Variants in TFEC observed in about 807,000 individuals in gnomAD.
TFEC encodes transcription factor EC.
Under a neutral mutation model 41.6 loss-of-function variants are expected in TFEC, and 31 were observed. The observed-to-expected ratio is 0.74, with a 90% confidence interval of 0.56 to 1.01. The LOEUF (loss-of-function observed/expected upper bound fraction) is 1.01, where lower values mean the gene tolerates loss of function less well. Among genes scored for constraint, TFEC ranks in the 50% least tolerant of loss-of-function variants. The pLI, the probability that TFEC is intolerant of heterozygous loss-of-function variation, is 0.00. For missense variants in TFEC, 402 were observed against 404.1 expected (o/e 0.99, Z 0.04); for synonymous variants, 143 against 140.6 (o/e 1.02, Z -0.12).
intron 1 of TFEC, among the ~76,000 whole-genome samples, chr7:116,020,261 T>C (rs920316574): frequency 1.3e-5 from 2 of 152,204 alleles, no homozygotes; most frequent in African/African-American, 4.8e-5. Context: ...TAACATTTTT[T>C]TTCTAAATGA....
intron 3 of TFEC, among the ~76,000 whole-genome samples, chr7:116,070,628 G>C (rs113956703): frequency 2.6e-5 from 4 of 151,140 alleles, no homozygotes; most frequent in African/African-American, 7.3e-5. Context: ...TTTAGCTGTG[G>C]GTCAGAAATG....
At chr7:115,968,431 T>C (rs2130554646) in intron 3 of TFEC, 1 of 695,668 alleles carries the variant, frequency 1.4e-6, no homozygotes, top group East Asian at 3.0e-5. Context: ...AGGGGGTTGT[T>C]AATATTTACT....
chr7:116,057,915 A>G (rs1796467006), intron 3 of TFEC, among the ~76,000 whole-genome samples: 1 of 151,876 alleles, frequency 6.6e-6, no homozygotes, highest in South Asian at 2.1e-4. Context: ...ATAAAATGCA[A>G]TCATAAAGAT....
chr7:116,134,408 T>C (rs1256463474), intron 1 of TFEC, among the ~76,000 whole-genome samples: 1 of 152,158 alleles, frequency 6.6e-6, no homozygotes, highest in Non-Finnish European at 1.5e-5. Flanking sequence ...AATTACACAT[T>C]GTACACAAAT....
At chr7:116,046,133 T>C (rs1796157503) in intron 3 of TFEC, among the ~76,000 whole-genome samples, 1 of 152,200 alleles carries the variant, frequency 6.6e-6, no homozygotes, top group African/African-American at 2.4e-5. Flanking sequence ...GACTTTGGAC[T>C]GTGGGCTTTT....
At chr7:115,964,757 G>A (rs1338047481) in intron 3 of TFEC, among the ~76,000 whole-genome samples, 3 of 151,576 alleles carry the variant, frequency 2.0e-5, no homozygotes, top group African/African-American at 7.2e-5. Flanking sequence ...ATTCAACTTT[G>A]TATTTGAAAT....
intron 3 of TFEC, among the ~76,000 whole-genome samples, chr7:116,080,331 A>AT (rs1797058683): frequency 6.6e-6 from 1 of 152,176 alleles, no homozygotes; most frequent in African/African-American, 2.4e-5. Flanking sequence ...GGACTTAATT[A>AT]AACTAAAAAG....
intron 1 of TFEC, among the ~76,000 whole-genome samples, chr7:116,120,721 C>A (rs1798092227): frequency 6.6e-6 from 1 of 151,958 alleles, no homozygotes; most frequent in Non-Finnish European, 1.5e-5. Flanking sequence ...TAATGTACTG[C>A]TGGGACCCAA....
At chr7:116,018,424 C>G (rs539287030) in intron 1 of TFEC, among the ~76,000 whole-genome samples, 11 of 152,206 alleles carry the variant, frequency 7.2e-5, no homozygotes, top group African/African-American at 2.4e-4. Context: ...AATGGAGAAG[C>G]TTTACCAACT....
At chr7:115,956,042 T>A (rs1792206787) in intron 4 of TFEC, among the ~76,000 whole-genome samples, 1 of 152,028 alleles carries the variant, frequency 6.6e-6, no homozygotes, top group Admixed American at 6.6e-5. Context: ...TTGATCCAGT[T>A]CTGCCTGTAA....
At chr7:116,057,846 C>T (rs942363787) in intron 3 of TFEC, among the ~76,000 whole-genome samples, 1 of 151,482 alleles carries the variant, frequency 6.6e-6, no homozygotes, top group Non-Finnish European at 1.5e-5. Flanking sequence ...TTAAAGAACC[C>T]TAAAGCAACC....
chr7:116,093,408 A>T (rs889983356), intron 3 of TFEC, among the ~76,000 whole-genome samples: 1 of 152,198 alleles, frequency 6.6e-6, no homozygotes, highest in Non-Finnish European at 1.5e-5. Flanking sequence ...CTTTCTTTTC[A>T]GAAAGAAAAG....
At chr7:116,130,543 T>A (rs1222804626) in intron 1 of TFEC, among the ~76,000 whole-genome samples, 1 of 152,184 alleles carries the variant, frequency 6.6e-6, no homozygotes, top group Non-Finnish European at 1.5e-5. Flanking sequence ...CAGATAATCA[T>A]TCCAGTTAGC....
At chr7:116,064,385 AAATT>A (rs1425175028) in intron 3 of TFEC, among the ~76,000 whole-genome samples, 2 of 150,936 alleles carry the variant, frequency 1.3e-5, no homozygotes, top group African/African-American at 2.4e-5. Context: ...ATAAAATAAA[AAATT>A]AATTATTTTT....
At chr7:116,064,906 T>C (rs1431867169) in intron 3 of TFEC, among the ~76,000 whole-genome samples, 20 of 152,198 alleles carry the variant, frequency 1.3e-4, no homozygotes, top group Admixed American at 1.3e-3. Flanking sequence ...CGCTGTTAGA[T>C]TCCAGTGTCC....
intron 3 of TFEC, among the ~76,000 whole-genome samples, chr7:115,958,174 G>T (rs1792336222): frequency 6.6e-6 from 1 of 151,808 alleles, no homozygotes; most frequent in Non-Finnish European, 1.5e-5. Context: ...GGAGTCATCA[G>T]CTATTTCTCC....
intron 2 of TFEC, among the ~76,000 whole-genome samples, chr7:115,981,167 C>G (rs924243062): frequency 3.3e-5 from 5 of 151,904 alleles, no homozygotes; most frequent in African/African-American, 1.2e-4. Flanking sequence ...CTTATTTGTA[C>G]CAAATTGTAT....
At chr7:115,993,755 A>C (rs1319767714) in intron 1 of TFEC, among the ~76,000 whole-genome samples, 1 of 152,200 alleles carries the variant, frequency 6.6e-6, no homozygotes, top group African/African-American at 2.4e-5. Context: ...AGGAAGAATC[A>C]ATATCGTGAA....
At chr7:115,985,188 T>G (rs1002309324) in intron 1 of TFEC, among the ~76,000 whole-genome samples, 2 of 152,066 alleles carry the variant, frequency 1.3e-5, no homozygotes, top group African/African-American at 4.8e-5. Flanking sequence ...CAGAAAAAAA[T>G]CTAACGATTG....
Sources: allele counts gnomAD v4.1 joint callset (sites outside exome capture counted in the v4.1 genomes callset), GRCh38; gene constraint gnomAD v4.1.1; transcripts MANE v1.5; gene names NCBI Gene and HGNC (gene_info 2026-07-23, HGNC 2026-07-21).